The following GRIN3A variants were observed in gnomAD, a reference collection of about 807,000 sequenced individuals.
GRIN3A encodes the protein glutamate receptor ionotropic, NMDA 3A.
In GRIN3A, 47 loss-of-function variants were observed where a neutral mutation model predicts 92.4. The ratio of observed to expected loss-of-function variants is 0.51; its 90% CI spans 0.40 to 0.65. The LOEUF is 0.65. GRIN3A is among the 30% of genes least tolerant of loss of function. The probability of loss-of-function intolerance (pLI) is 0.00; values close to 1 mark genes in which losing one functional copy is unlikely to be tolerated. For missense variants in GRIN3A, 1,324 were observed against 1,393.1 expected (o/e 0.95, Z 0.79); for synonymous variants, 527 against 540.6 (o/e 0.97, Z 0.35).
intron 6 of GRIN3A, among the ~76,000 whole-genome samples, chr9:101,603,712 C>G (rs933520653): frequency 5.3e-5 from 8 of 152,194 alleles, no homozygotes; most frequent in East Asian, 1.9e-4. Context: ...AAGCAGCCAC[C>G]TGTAATTTTA....
intron 1 of GRIN3A, among the ~76,000 whole-genome samples, chr9:101,695,745 C>T (rs1829676956): frequency 6.6e-6 from 1 of 152,106 alleles, no homozygotes; most frequent in South Asian, 2.1e-4. Flanking sequence ...GATCCTTTCC[C>T]AATGACTCGT....
intron 2 of GRIN3A, 108 bp downstream of exon 2, chr9:101,686,488 G>C (rs1263573043): frequency 8.2e-7 from 1 of 1,215,698 alleles, no homozygotes; most frequent in Non-Finnish European, 1.2e-6. Context: ...TATTATTAAA[G>C]TTTAAAGCTA....
chr9:101,639,841 G>C (rs796299813), intron 3 of GRIN3A, among the ~76,000 whole-genome samples: 7 of 152,258 alleles, frequency 4.6e-5, no homozygotes, highest in African/African-American at 1.7e-4. Flanking sequence ...AGCCTCACAG[G>C]CTCCTAAAAG....
chr9:101,620,488 T>G (rs779078016), intron 5 of GRIN3A, among the ~76,000 whole-genome samples: 12 of 152,184 alleles, frequency 7.9e-5, no homozygotes, highest in Non-Finnish European at 1.6e-4. Flanking sequence ...AGTGTGTTAC[T>G]ACTATATGCA....
rs764959438 is a variant in GRIN3A, at chr9:101,683,844, CAGTG to C, written c.1304+2748_1304+2751del. Among the ~76,000 whole-genome samples, 521 of 79,140 alleles carry C rather than the reference CAGTG, an allele frequency of 6.6e-3. 5 individuals carry two copies. The highest frequency in any genetic ancestry group is 0.027 in the Middle Eastern group (4 of 150). 51.9% of individuals were successfully genotyped at this position (79,140 alleles called of 152,430 possible). A position where few individuals can be genotyped will look rare whatever the true frequency, so the allele number is the denominator to read the frequency against. ...CACCATAAGGAGAGAGAGAGAGAGACAGTGAGAGAGAGAGAGAGAGAGAGAGAGA... is the reference window on the plus strand; with the variant it reads ...CACCATAAGGAGAGAGAGAGAGAGACAGAGAGAGAGAGAGAGAGAGAGAGA... On this transcript the variant is annotated intron_variant, in intron 2 of 8. Coordinates refer to ENST00000361820, the MANE Select transcript of GRIN3A (RefSeq NM_133445.3).
intron 1 of GRIN3A, among the ~76,000 whole-genome samples, chr9:101,731,255 G>T (rs748097327): frequency 1.3e-5 from 2 of 152,090 alleles, no homozygotes; most frequent in Non-Finnish European, 2.9e-5. Flanking sequence ...ACAAATAGAC[G>T]AAGTTAAGAA....
chr9:101,583,116 G>T (rs1345709143), intron 6 of GRIN3A, among the ~76,000 whole-genome samples: 1 of 152,118 alleles, frequency 6.6e-6, no homozygotes, highest in Non-Finnish European at 1.5e-5. Flanking sequence ...GAAAGCAGAG[G>T]TTTATAGGGG....
intron 5 of GRIN3A, among the ~76,000 whole-genome samples, chr9:101,618,043 T>A (rs944959522): frequency 2.6e-5 from 4 of 152,048 alleles, no homozygotes; most frequent in African/African-American, 9.7e-5. Context: ...CAATTCAAGA[T>A]GGATTAAAGA....
At chr9:101,688,016 A>C (rs1183721019) in intron 1 of GRIN3A, among the ~76,000 whole-genome samples, 1 of 152,246 alleles carries the variant, frequency 6.6e-6, no homozygotes, top group Non-Finnish European at 1.5e-5. Flanking sequence ...GTTGTCCTCA[A>C]GAGCAAGCAT....
intron 6 of GRIN3A, among the ~76,000 whole-genome samples, chr9:101,580,633 C>T (rs1000635909): frequency 2.6e-5 from 4 of 151,850 alleles, no homozygotes; most frequent in Non-Finnish European, 4.4e-5. Context: ...TGTAGTAAAC[C>T]GAGCCAAGCC....
chr9:101,622,984 C>A (rs1828578096), intron 5 of GRIN3A, among the ~76,000 whole-genome samples: 1 of 118,030 alleles, frequency 8.5e-6, no homozygotes, highest in Non-Finnish European at 1.8e-5. Flanking sequence ...CATAGCAACA[C>A]CCTGCCACTA....
chr9:101,595,205 G>C (rs538726602), intron 6 of GRIN3A, among the ~76,000 whole-genome samples: 1 of 152,058 alleles, frequency 6.6e-6, no homozygotes, highest in African/African-American at 2.4e-5. Flanking sequence ...GGGGTGCCCG[G>C]GAGAGGCAGA....
chr9:101,690,315 T>C (rs1394668584), intron 1 of GRIN3A, among the ~76,000 whole-genome samples: 1 of 152,248 alleles, frequency 6.6e-6, no homozygotes, highest in African/African-American at 2.4e-5. Context: ...GTAATTTTTC[T>C]ACACTTTGAA....
Position 101,586,395 on chromosome 9 carries a change from T to A in GRIN3A, c.2767-7035A>T, listed in dbSNP as rs1827950585. On this transcript the variant is annotated intron_variant, in intron 6 of 8. Transcript: ENST00000361820. ...GAATGAAAGCATATGAAAACTAGGA[T>A]TTTTTGTATAAAATAAATTTGCATA... 2.0e-5 allele frequency among the ~76,000 whole-genome samples: 3 copies of A among 151,948 alleles called. No homozygotes were observed. In the South Asian group the frequency reaches 6.2e-4, roughly 31 times the overall value.
chr9:101,732,078 A>AAG (rs1564154762), intron 1 of GRIN3A, among the ~76,000 whole-genome samples: 2 of 152,244 alleles, frequency 1.3e-5, no homozygotes, highest in Non-Finnish European at 2.9e-5. Context: ...TCTCATCTCT[A>AAG]TATTTACTGT....
At chr9:101,653,370 C>T (rs1262211463) in intron 3 of GRIN3A, among the ~76,000 whole-genome samples, 2 of 151,830 alleles carry the variant, frequency 1.3e-5, no homozygotes, top group Non-Finnish European at 2.9e-5. Context: ...TTATGATGAA[C>T]TCTAAAGTGA....
At chr9:101,729,482 C>A (rs758656805) in intron 1 of GRIN3A, among the ~76,000 whole-genome samples, 3 of 152,132 alleles carry the variant, frequency 2.0e-5, no homozygotes, top group Non-Finnish European at 4.4e-5. Context: ...TCACTCCAGT[C>A]TCCGCTTCCT....
At chr9:101,711,728 A>T (rs1271466535) in intron 1 of GRIN3A, among the ~76,000 whole-genome samples, 1 of 152,098 alleles carries the variant, frequency 6.6e-6, no homozygotes, top group Non-Finnish European at 1.5e-5. Context: ...CTGTCTTTCA[A>T]AACTGGAGAT....
chr9:101,689,576 C>T (rs368492612), intron 1 of GRIN3A, among the ~76,000 whole-genome samples: 39 of 152,226 alleles, frequency 2.6e-4, no homozygotes, highest in African/African-American at 8.7e-4. Flanking sequence ...TTAATCCTTA[C>T]ACAAACTTGA....
Sources: gnomAD v4.1 joint callset for allele counts (sites outside exome capture counted in the v4.1 genomes callset) on GRCh38, gnomAD v4.1.1 for gene constraint, MANE v1.5 for transcripts, NCBI Gene and HGNC (gene_info 2026-07-23, HGNC 2026-07-21) for gene names.